Variants in FRMD3 observed in about 807,000 individuals in gnomAD.
The protein encoded by FRMD3 is FERM domain-containing protein 3.
In FRMD3, 33 loss-of-function variants were observed where a neutral mutation model predicts 70.2. The observed-to-expected ratio is 0.47, with a 90% CI of 0.36 to 0.63. The LOEUF (loss-of-function observed/expected upper bound fraction) is 0.63. Among genes scored for constraint, FRMD3 ranks in the 20% least tolerant of loss-of-function variants. The pLI is 0.00. For synonymous variants in FRMD3, 279 were observed against 255.9 expected (o/e 1.09, Z -0.86); for missense variants, 632 against 711.4 (o/e 0.89, Z 1.27).
At chr9:83,293,243 G>A (rs905687569) in intron 12 of FRMD3, among the ~76,000 whole-genome samples, 1 of 152,072 alleles carries the variant, frequency 6.6e-6, no homozygotes, top group African/African-American at 2.4e-5. Context: ...ATTGTGAAGG[G>A]TTCTCAGTTT....
At chr9:83,428,618 T>A (rs917679042) in intron 1 of FRMD3, among the ~76,000 whole-genome samples, 1 of 152,174 alleles carries the variant, frequency 6.6e-6, no homozygotes, top group Non-Finnish European at 1.5e-5. Flanking sequence ...TCATTATTTA[T>A]ACCATGTATT....
At position 83,309,644 on chromosome 9, in the gene FRMD3, A is replaced by G. The variant is rs1835275763; in HGVS notation, c.838-20T>C. 15 of 1,495,662 alleles carry G rather than the reference A, an allele frequency of 1.0e-5. No homozygotes were observed. The highest frequency in any genetic ancestry group is 1.4e-5 in the Non-Finnish European group (15 of 1,096,736). 92.6% of individuals were successfully genotyped at this position (1,495,662 alleles called of 1,614,324 possible). A position where few individuals can be genotyped will look rare whatever the true frequency, so the allele number is the denominator to read the frequency against. On this transcript the variant is annotated intron_variant, in intron 9 of 13. Transcript: ENST00000304195. ...TTTTTTCTAATTAAAAAATAACAAA[A>G]CAAGAAAAGGCACGTAAAATACCAT...
At chr9:83,531,833 T>G (rs1200367337) in intron 1 of FRMD3, among the ~76,000 whole-genome samples, 3 of 152,212 alleles carry the variant, frequency 2.0e-5, no homozygotes, top group Non-Finnish European at 2.9e-5. Context: ...TGCTTTTACA[T>G]AAGCCATCTC....
At chr9:83,398,800 A>G (rs1043801271) in intron 1 of FRMD3, among the ~76,000 whole-genome samples, 4 of 152,236 alleles carry the variant, frequency 2.6e-5, no homozygotes, top group African/African-American at 9.6e-5. Context: ...GTAAGTATTC[A>G]TAAGTTGGTG....
At chr9:83,422,475 A>G (rs559147034) in intron 1 of FRMD3, among the ~76,000 whole-genome samples, 20 of 152,240 alleles carry the variant, frequency 1.3e-4, no homozygotes, top group Non-Finnish European at 2.4e-4. Flanking sequence ...AAGCTCCGCT[A>G]TACCTGATGA....
intron 5 of FRMD3, among the ~76,000 whole-genome samples, chr9:83,337,997 T>C (rs556858593): frequency 3.3e-5 from 5 of 152,186 alleles, no homozygotes; most frequent in Non-Finnish European, 7.3e-5. Context: ...AAAGAACATA[T>C]CTTCACAATC....
intron 1 of FRMD3, among the ~76,000 whole-genome samples, chr9:83,425,907 C>CAA (rs71498055): frequency 0.04 from 3,441 of 86,228 alleles, 107 homozygotes; most frequent in Middle Eastern, 0.1. Context: ...AACTCCGTCT[C>CAA]AAAAAAAAAA....
At chr9:83,528,139 G>T (rs1226098484) in intron 1 of FRMD3, among the ~76,000 whole-genome samples, 2 of 152,142 alleles carry the variant, frequency 1.3e-5, no homozygotes, top group Non-Finnish European at 2.9e-5. Flanking sequence ...TATTTTCCAT[G>T]ATCAAAAGAA....
intron 10 of FRMD3, among the ~76,000 whole-genome samples, chr9:83,301,770 A>G (rs982312167): frequency 6.6e-6 from 1 of 152,236 alleles, no homozygotes; most frequent in Non-Finnish European, 1.5e-5. Flanking sequence ...TCTCAGTCTC[A>G]GTACTGCTTC....
intron 13 of FRMD3, among the ~76,000 whole-genome samples, chr9:83,262,480 T>C (rs1350392936): frequency 1.3e-5 from 2 of 152,382 alleles, no homozygotes; most frequent in East Asian, 3.9e-4. Context: ...ACTGGTTTCC[T>C]TGATTTCAGT....
At chr9:83,455,987 T>G (rs1322022373) in intron 1 of FRMD3, among the ~76,000 whole-genome samples, 1 of 152,166 alleles carries the variant, frequency 6.6e-6, no homozygotes. Flanking sequence ...AAATTAGAAT[T>G]TTTGAATGCT....
chr9:83,431,449 T>C (rs567777199), intron 1 of FRMD3, among the ~76,000 whole-genome samples: 1 of 152,376 alleles, frequency 6.6e-6, no homozygotes, highest in South Asian at 2.1e-4. Flanking sequence ...CTAAAATTTT[T>C]AATTTATCTT....
the FRMD3 span, among the ~76,000 whole-genome samples, chr9:83,556,376 C>T: frequency 6.6e-6 from 1 of 152,246 alleles, no homozygotes; most frequent in Non-Finnish European, 1.5e-5. Flanking sequence ...TAGCCATACA[C>T]ATAGTACATG....
chr9:83,415,512 G>A (rs569245713), intron 1 of FRMD3, among the ~76,000 whole-genome samples: 46 of 145,022 alleles, frequency 3.2e-4, no homozygotes, highest in Non-Finnish European at 6.0e-4. Flanking sequence ...GCGCGATCTC[G>A]GCTCACTCCA....
intron 1 of FRMD3, among the ~76,000 whole-genome samples, chr9:83,512,669 T>C (rs921250308): frequency 1.3e-5 from 2 of 152,182 alleles, no homozygotes; most frequent in African/African-American, 4.8e-5. Context: ...CCTTCCCTTC[T>C]GCTCACCTCT....
chr9:83,264,850 G>A (rs998178128), intron 13 of FRMD3, among the ~76,000 whole-genome samples: 6 of 151,280 alleles, frequency 4.0e-5, no homozygotes, highest in South Asian at 2.1e-4. Context: ...TGTCATGCAC[G>A]TGTAAAAATT....
chr9:83,553,003 G>C, the FRMD3 span, among the ~76,000 whole-genome samples: 1 of 152,116 alleles, frequency 6.6e-6, no homozygotes, highest in East Asian at 1.9e-4. Flanking sequence ...GCATTGACAT[G>C]TGTGCATTTG....
chr9:83,357,238 A>AT (rs1213344229), intron 3 of FRMD3, among the ~76,000 whole-genome samples: 315 of 3,924 alleles, frequency 0.08, 75 homozygotes, highest in African/African-American at 0.22. Flanking sequence ...ATATATATAT[A>AT]ATACATACAT....
At chr9:83,568,917 AAGATAGATAGAT>A in the FRMD3 span, among the ~76,000 whole-genome samples, 1,165 of 143,474 alleles carry the variant, frequency 8.1e-3, 10 homozygotes, top group Non-Finnish European at 0.012. Flanking sequence ...CTTGTTAGAA[AAGATAGATAGAT>A]AGATAGATAG....
Sources: allele counts gnomAD v4.1 joint callset (sites outside exome capture counted in the v4.1 genomes callset), GRCh38; gene constraint gnomAD v4.1.1; transcripts MANE v1.5; gene names NCBI Gene and HGNC (gene_info 2026-07-23, HGNC 2026-07-21).